NGEF: variants seen among roughly 807,000 people sequenced by gnomAD.
NGEF encodes ephexin-1.
In NGEF, 31 loss-of-function variants were observed where a neutral mutation model predicts 80.9. The ratio of observed to expected loss-of-function variants is 0.38; its 90% CI spans 0.29 to 0.52. The LOEUF is 0.52. NGEF is among the 20% of genes least tolerant of loss of function. The probability of loss-of-function intolerance (pLI) is 0.84; values close to 1 mark genes in which losing one functional copy is unlikely to be tolerated. For missense variants in NGEF, 709 were observed against 926.2 expected (o/e 0.77, Z 3.04); for synonymous variants, 371 against 370.2 (o/e 1.00, Z -0.03).
At chr2:232,972,488 A>G (rs1297949953) in intron 2 of NGEF, among the ~76,000 whole-genome samples, 1 of 148,494 alleles carries the variant, frequency 6.7e-6, no homozygotes, top group East Asian at 2.0e-4. Context: ...CGCTACTGTA[A>G]CCCCCTTCTC....
Position 232,879,525 on chromosome 2 carries a change from C to T in NGEF, c.2097G>A (p.Lys699=), listed in dbSNP as rs764850072. The T allele has an allele frequency of 3.7e-6, 6 of 1,612,788 alleles. No homozygotes were observed. Among genetic ancestry groups the T allele is most frequent in the Non-Finnish European group, 2.5e-6 (3 of 1,179,162 alleles). ...KMDDPQRSQN[K]DRRKLGSRNR... ...TCCGGCTGCCCAGCTTCCTGCGGTC[C>T]TTGTTCTGGCTGCGCTGAGGGTCAT... Residue 699 remains lysine (K), a synonymous_variant, in exon 15 of 15, where the codon AAG becomes AAA. Transcript: ENST00000264051.
intron 1 of NGEF, among the ~76,000 whole-genome samples, chr2:232,993,185 T>TATATATAATATA (rs1694703741): frequency 7.6e-6 from 1 of 131,764 alleles, no homozygotes; most frequent in African/African-American, 2.9e-5. Context: ...TAAATAAATA[T>TATATATAATATA]ATATATTTAT....
intron 1 of NGEF, among the ~76,000 whole-genome samples, chr2:232,994,181 C>A (rs1694728625): frequency 6.6e-6 from 1 of 151,996 alleles, no homozygotes; most frequent in Admixed American, 6.6e-5. Context: ...ACCAGACTGG[C>A]CAACATGGTG....
rs759656121 is a variant in NGEF, at chr2:232,928,007, G to C, written c.384-821C>G. On this transcript the variant is annotated intron_variant, in intron 3 of 14. Coordinates refer to ENST00000264051, the MANE Select transcript of NGEF (RefSeq NM_019850.3). ...AGCGGCCAGCAGCTCCATAGGGTCG[G>C]CGGCGGGGCGGGTGCGGGGGCCGGG... is the stretch of plus-strand genomic sequence containing the variant. 1.5e-4 allele frequency: 189 copies of C among 1,222,880 alleles called. No individual in the cohort carries two copies. The African/African-American group carries it at 2.8e-3, about 18-fold the overall frequency. The allele number at this position is 1,222,880 out of a possible 1,614,324, so 75.8% of individuals were successfully genotyped here. A position where few individuals can be genotyped will look rare whatever the true frequency, so the allele number is the denominator to read the frequency against.
rs571348475 is a variant in NGEF, at chr2:232,920,433, G to GCTC, written c.676_678dup (p.Glu226dup). The GCTC allele has an allele frequency of 1.5e-4, 250 of 1,613,562 alleles. 1 individual carries two copies. In the East Asian group the frequency reaches 3.9e-3, roughly 25 times the overall value. ...GTCTTCCTCTCTGGTGGGCTGGCCG[G>GCTC]CTCCTCCTCCTCCTCCTCTTCTTCT... is the stretch of plus-strand genomic sequence containing the variant. On this transcript the variant is annotated inframe_insertion, in exon 5 of 15. Coordinates refer to ENST00000264051, the MANE Select transcript of NGEF (RefSeq NM_019850.3).
intron 1 of NGEF, among the ~76,000 whole-genome samples, chr2:232,985,355 A>G (rs915085896): frequency 3.3e-5 from 5 of 152,130 alleles, no homozygotes; most frequent in Non-Finnish European, 7.4e-5. Flanking sequence ...CATGGTTCAC[A>G]CCTGTAATCT....
rs1481785556 is a variant in NGEF at position 232,995,450 on chromosome 2, GTA to G, written c.-75+17616_-75+17617del. ...TATACTGTATATATATACACAGTAT[GTA>G]TACTGACAGTATACATACTGTATAT... On this transcript the variant is annotated intron_variant, in intron 1 of 14. Coordinates refer to ENST00000264051, the MANE Select transcript of NGEF (RefSeq NM_019850.3). Among the ~76,000 whole-genome samples, 12 of 11,776 alleles carry G rather than the reference GTA, an allele frequency of 1.0e-3. No individual in the cohort carries two copies. The South Asian group carries it at 0.016, about 15-fold the overall frequency. The allele number at this position is 11,776 out of a possible 152,430, so 7.7% of individuals were successfully genotyped here.
At chr2:232,956,323 A>G (rs1272985466) in intron 3 of NGEF, among the ~76,000 whole-genome samples, 1 of 152,228 alleles carries the variant, frequency 6.6e-6, no homozygotes, top group African/African-American at 2.4e-5. Flanking sequence ...CCACCTCCCC[A>G]GAGCCAGCCC....
At chr2:232,927,321 G>T in intron 3 of NGEF, 135 bp from the exon 4 acceptor site, 1 of 922,130 alleles carries the variant, frequency 1.1e-6, no homozygotes, top group Non-Finnish European at 1.5e-6. Context: ...GGCAGCGGCC[G>T]CAGCCAGCGC....
intron 3 of NGEF, among the ~76,000 whole-genome samples, chr2:232,950,039 T>C (rs942895102): frequency 6.6e-6 from 1 of 152,150 alleles, no homozygotes; most frequent in African/African-American, 2.4e-5. Flanking sequence ...CTCAAACTGC[T>C]GACCTCAGGT....
At chr2:232,982,473 T>G (rs1694452923) in intron 1 of NGEF, among the ~76,000 whole-genome samples, 1 of 152,206 alleles carries the variant, frequency 6.6e-6, no homozygotes, top group Non-Finnish European at 1.5e-5. Flanking sequence ...GGTCCTTGAA[T>G]TGGTACGTTA....
chr2:232,880,305 C>T (rs1194574777), intron 14 of NGEF, among the ~76,000 whole-genome samples: 1 of 152,214 alleles, frequency 6.6e-6, no homozygotes, highest in Non-Finnish European at 1.5e-5. Flanking sequence ...GGTCTTTGCT[C>T]AGAGTTTGTG....
rs1559240793 is a variant in NGEF, at chr2:232,995,572, A to ATATATATACACAGTATGTATACTG, written c.-75+17495_-75+17496insCAGTATACATACTGTGTATATATA. On this transcript the variant is annotated intron_variant, in intron 1 of 14. Coordinates refer to ENST00000264051, the MANE Select transcript of NGEF (RefSeq NM_019850.3). ...ATACTATATACAGTATGTATACTGT[A>ATATATATACACAGTATGTATACTG]TATATATATACAGTATGTATACTGT... Among the ~76,000 whole-genome samples the ATATATATACACAGTATGTATACTG allele has an allele frequency of 1.8e-3, 2 of 1,122 alleles. 1 individual carries two copies. The highest frequency in any genetic ancestry group is 4.4e-3 in the African/African-American group (2 of 450). 0.7% of individuals were successfully genotyped at this position (1,122 alleles called of 152,430 possible). A position where few individuals can be genotyped will look rare whatever the true frequency, so the allele number is the denominator to read the frequency against.
intron 1 of NGEF, among the ~76,000 whole-genome samples, chr2:233,000,906 G>A (rs1408327836): frequency 6.6e-6 from 1 of 152,144 alleles, no homozygotes; most frequent in African/African-American, 2.4e-5. Context: ...GGAATGAAGG[G>A]AACACTTGGA....
chr2:232,936,354 T>G (rs1693323008), intron 3 of NGEF, among the ~76,000 whole-genome samples: 1 of 152,220 alleles, frequency 6.6e-6, no homozygotes, highest in Non-Finnish European at 1.5e-5. Context: ...GGTAAAGAAT[T>G]AACTTTACCC....
At chr2:232,977,475 G>A (rs1334338281) in intron 1 of NGEF, among the ~76,000 whole-genome samples, 1 of 152,198 alleles carries the variant, frequency 6.6e-6, no homozygotes, top group African/African-American at 2.4e-5. Flanking sequence ...CGCTGTTGAG[G>A]TTTTAGAGTT....
chr2:232,966,655 C>G (rs1694066366), intron 3 of NGEF, among the ~76,000 whole-genome samples: 1 of 152,164 alleles, frequency 6.6e-6, no homozygotes, highest in South Asian at 2.1e-4. Flanking sequence ...CCGTCACTCC[C>G]CCTTTCATCT....
intron 3 of NGEF, among the ~76,000 whole-genome samples, chr2:232,962,763 A>G (rs13017447): frequency 0.59 from 88,974 of 151,744 alleles, 27,878 homozygotes; most frequent in African/African-American, 0.81. Context: ...ATCATTGCTG[A>G]ATTAATTTAA....
In NGEF at chr2:232,881,181, G is replaced by A. The variant is rs1262884309; in HGVS notation, c.1907C>T (p.Ala636Val). The change falls in exon 14 of 15, where the codon GCC becomes GTC. Residue 636 changes from alanine (A) to valine (V), a missense_variant. Ala to Val is a moderately conservative substitution (Grantham distance 64, BLOSUM62 0). Around this residue, in one of 2 missense-constraint regions of NGEF, gnomAD observed 426 missense variants for 622.9 expected, o/e 0.68. Transcript: ENST00000264051. ...QQPDELTLEL[A>V]DILNILDKTD... is the part of the protein sequence containing the mutation. ...CTTGTCCAGGATGTTGAGGATGTCG[G>A]CGAGCTCCAGCGTCAGCTCGTCTGG... 1 of 1,612,116 alleles carries A rather than the reference G, an allele frequency of 6.2e-7. No individual in the cohort carries two copies. Among genetic ancestry groups the A allele is most frequent in the Admixed American group, 1.7e-5 (1 of 60,012 alleles).
Sources: gnomAD v4.1 joint callset for allele counts (sites outside exome capture counted in the v4.1 genomes callset) on GRCh38, gnomAD v4.1.1 for gene constraint, gnomAD v4.1.1 regional missense constraint, MANE v1.5 for transcripts, NCBI Gene and HGNC (gene_info 2026-07-23, HGNC 2026-07-21) for gene names.